CLIC5: variants seen among roughly 807,000 people sequenced by gnomAD.
CLIC5 encodes the protein CLIC family member 5.
Under a neutral mutation model 24.7 loss-of-function variants are expected in CLIC5, and 20 were observed. The ratio of observed to expected loss-of-function variants is 0.81; its 90% CI spans 0.57 to 1.18. The LOEUF (loss-of-function observed/expected upper bound fraction) is 1.18. CLIC5 is among the 50% of genes most tolerant of loss of function. The pLI, the probability that CLIC5 is intolerant of heterozygous loss-of-function variation, is 0.00. For missense variants in CLIC5, 341 were observed against 326.1 expected (o/e 1.05, Z -0.35); for synonymous variants, 159 against 135.6 (o/e 1.17, Z -1.20).
intron 3 of CLIC5, among the ~76,000 whole-genome samples, chr6:45,945,921 A>T (rs1288627512): frequency 6.6e-6 from 1 of 152,246 alleles, no homozygotes; most frequent in Non-Finnish European, 1.5e-5. Context: ...TGCTGTGTAA[A>T]TAGACTGTAT....
intron 1 of CLIC5, among the ~76,000 whole-genome samples, chr6:46,005,584 A>C (rs1056788707): frequency 2.6e-5 from 4 of 152,154 alleles, no homozygotes; most frequent in Middle Eastern, 3.2e-3. Flanking sequence ...CCAGCTTGCC[A>C]TCAGAGATGC....
chr6:45,955,307 T>A, intron 1 of CLIC5, 63 bp from the exon 2 acceptor site: 5 of 1,191,752 alleles, frequency 4.2e-6, no homozygotes, highest in Non-Finnish European at 6.2e-6. Context: ...AACATAAGAT[T>A]GTAACACCCA....
downstream of CLIC5, chr6:45,880,859 A>G (rs1445023775): frequency 1.3e-5 from 4 of 318,354 alleles, no homozygotes; most frequent in African/African-American, 2.1e-5. Flanking sequence ...ATTGAACTGC[A>G]GCAGGGAACC....
At chr6:45,939,885 A>G (rs1250972160) in intron 4 of CLIC5, among the ~76,000 whole-genome samples, 2 of 145,882 alleles carry the variant, frequency 1.4e-5, no homozygotes, top group Non-Finnish European at 3.0e-5. Flanking sequence ...TTCTGGGGGG[A>G]CACTACTCAA....
chr6:45,914,057 G>T (rs1206130291), intron 5 of CLIC5, among the ~76,000 whole-genome samples, 171 bp downstream of exon 5: 1 of 152,066 alleles, frequency 6.6e-6, no homozygotes, highest in Non-Finnish European at 1.5e-5. Flanking sequence ...GAAGCTCAAG[G>T]AGGCCACACA....
chr6:45,930,209 A>AT (rs1399638314), intron 4 of CLIC5, among the ~76,000 whole-genome samples: 1 of 152,138 alleles, frequency 6.6e-6, no homozygotes, highest in East Asian at 1.9e-4. Context: ...GCCTTTGATA[A>AT]TAAGGGGCTT....
chr6:46,012,791 G>A (rs140655095), intron 1 of CLIC5, among the ~76,000 whole-genome samples: 19 of 152,306 alleles, frequency 1.2e-4, no homozygotes, highest in African/African-American at 4.3e-4. Flanking sequence ...GTTACAAGAA[G>A]AGCAAACTGC....
At chr6:45,883,658 G>A (rs949259843) in intron 6 of CLIC5, 1 of 152,360 alleles carries the variant, frequency 6.6e-6, no homozygotes, top group African/African-American at 2.4e-5. Flanking sequence ...TCTAATTATG[G>A]AGAAGACCAG....
intron 1 of CLIC5, among the ~76,000 whole-genome samples, chr6:46,076,230 T>C (rs1762765786): frequency 1.3e-5 from 2 of 152,190 alleles, no homozygotes; most frequent in South Asian, 4.1e-4. Flanking sequence ...TCCTACCACC[T>C]TGCCTCCCTG....
downstream of CLIC5, among the ~76,000 whole-genome samples, chr6:45,896,213 G>A (rs971877757): frequency 3.3e-5 from 5 of 152,134 alleles, no homozygotes; most frequent in African/African-American, 9.7e-5. Context: ...TCACATAGAC[G>A]AATACCTGAT....
At chr6:45,882,645 T>C (rs1181658138) in intron 6 of CLIC5, among the ~76,000 whole-genome samples, 3 of 152,256 alleles carry the variant, frequency 2.0e-5, no homozygotes, top group African/African-American at 7.2e-5. Flanking sequence ...GTTTTTGTTT[T>C]ATCACCCTTA....
chr6:46,058,836 G>A (rs563194268), intron 1 of CLIC5, among the ~76,000 whole-genome samples: 2 of 152,184 alleles, frequency 1.3e-5, no homozygotes, highest in Admixed American at 6.5e-5. Context: ...TATAATGTGC[G>A]ATAACAGGTT....
At chr6:46,094,408 G>A in the CLIC5 span, among the ~76,000 whole-genome samples, 2 of 152,104 alleles carry the variant, frequency 1.3e-5, no homozygotes, top group Non-Finnish European at 2.9e-5. Flanking sequence ...TTCCACCTAT[G>A]AGCCTGTAAA....
the CLIC5 span, among the ~76,000 whole-genome samples, chr6:46,087,989 C>A: frequency 3.3e-5 from 5 of 152,212 alleles, no homozygotes; most frequent in East Asian, 7.7e-4. Flanking sequence ...AGCTTTCTCA[C>A]CCCAGGTTCT....
At chr6:46,071,956 C>A (rs1762609180) in intron 1 of CLIC5, among the ~76,000 whole-genome samples, 1 of 151,988 alleles carries the variant, frequency 6.6e-6, no homozygotes, top group African/African-American at 2.4e-5. Flanking sequence ...GAGCTGGAGG[C>A]CATTATCCTT....
chr6:46,088,652 TA>T, the CLIC5 span, among the ~76,000 whole-genome samples: 4 of 152,172 alleles, frequency 2.6e-5, no homozygotes, highest in Non-Finnish European at 1.5e-5. Context: ...TATTCTTTTT[TA>T]AAAAGAAAGA....
chr6:46,093,787 C>T, the CLIC5 span, among the ~76,000 whole-genome samples: 3 of 152,066 alleles, frequency 2.0e-5, no homozygotes, highest in Admixed American at 6.6e-5. Context: ...AGGTATTTAT[C>T]AAAGAAAGAT....
At chr6:45,972,038 T>C (rs1247347711) in intron 1 of CLIC5, among the ~76,000 whole-genome samples, 1 of 152,182 alleles carries the variant, frequency 6.6e-6, no homozygotes, top group African/African-American at 2.4e-5. Context: ...GTTCAAAATG[T>C]AGCCTGCATG....
At chr6:45,969,425 G>C (rs1212977586) in intron 1 of CLIC5, among the ~76,000 whole-genome samples, 2 of 152,064 alleles carry the variant, frequency 1.3e-5, no homozygotes, top group Admixed American at 1.3e-4. Flanking sequence ...TTTTTGGAAG[G>C]CTGTCCCCAC....
Sources: gnomAD v4.1 joint callset for allele counts (sites outside exome capture counted in the v4.1 genomes callset) on GRCh38, gnomAD v4.1.1 for gene constraint, MANE v1.5 for transcripts, NCBI Gene and HGNC (gene_info 2026-07-23, HGNC 2026-07-21) for gene names.